The following WHR1 variants were observed in gnomAD, a reference collection of about 807,000 sequenced individuals.
WHR1 encodes the protein MHC class III HLA-RP1.
chr6:31,972,232 C>G, the WHR1 span: 1 of 1,613,030 alleles, frequency 6.2e-7, no homozygotes, highest in Non-Finnish European at 8.5e-7. The surrounding 1 kb of genome is among the most constrained non-coding windows in gnomAD (Gnocchi z 6.3). Flanking sequence ...TGCGTCGCCA[C>G]CGCCCCTCCC....
the WHR1 span, chr6:31,972,070 G>A: frequency 6.2e-7 from 1 of 1,612,884 alleles, no homozygotes; most frequent in Non-Finnish European, 8.5e-7. The surrounding 1 kb of genome is among the most constrained non-coding windows in gnomAD (Gnocchi z 6.3). Flanking sequence ...TCCCGGGGCG[G>A]GGGAGGTGTG....
chr6:31,971,696 G>C, the WHR1 span: 4 of 1,586,496 alleles, frequency 2.5e-6, no homozygotes, highest in African/African-American at 1.3e-5. This position sits in a 1 kb window ranked among gnomAD's most constrained non-coding sequence, Gnocchi z 4.5. Flanking sequence ...GACAAGCAGG[G>C]GTACAGAGTT....
chr6:31,971,844 T>C, the WHR1 span: 1 of 1,356,818 alleles, frequency 7.4e-7, no homozygotes, highest in Non-Finnish European at 9.8e-7. This position sits in a 1 kb window ranked among gnomAD's most constrained non-coding sequence, Gnocchi z 4.5. Context: ...CCTCTTTCCT[T>C]GCCCTTCACC....
At chr6:31,979,610 A>G in the WHR1 span, 5 of 1,594,882 alleles carry the variant, frequency 3.1e-6, no homozygotes, top group Admixed American at 3.4e-5. Context: ...GCCTCCCTCC[A>G]GTTCCATCCA....
At chr6:31,978,914 A>C in the WHR1 span, 4 of 1,612,650 alleles carry the variant, frequency 2.5e-6, no homozygotes, top group African/African-American at 1.3e-5. Context: ...AGGAGCTTCA[A>C]GAGCAGGGGG....
chr6:31,978,318 G>A, the WHR1 span, among the ~76,000 whole-genome samples: 1 of 151,540 alleles, frequency 6.6e-6, no homozygotes, highest in Non-Finnish European at 1.5e-5. Flanking sequence ...TAGAGATGTG[G>A]CGGGTGGGGG....
the WHR1 span, among the ~76,000 whole-genome samples, chr6:31,975,201 CT>C: frequency 0.055 from 7,471 of 136,838 alleles, 207 homozygotes; most frequent in African/African-American, 0.095. Context: ...TTAGTTTTCC[CT>C]TTTTTTTTTT....
chr6:31,979,069 CAG>C, the WHR1 span: 22 of 1,501,946 alleles, frequency 1.5e-5, no homozygotes, highest in South Asian at 1.1e-4. Context: ...ACTTGGGAAA[CAG>C]AAATAAAAAC....
the WHR1 span, among the ~76,000 whole-genome samples, chr6:31,973,890 G>A: frequency 6.6e-6 from 1 of 152,132 alleles, no homozygotes; most frequent in Non-Finnish European, 1.5e-5. Context: ...TGCCTCAAGT[G>A]CTTTTTAAGT....
At chr6:31,972,576 G>A in the WHR1 span, 1 of 1,594,742 alleles carries the variant, frequency 6.3e-7, no homozygotes, top group Non-Finnish European at 8.6e-7. This position sits in a 1 kb window ranked among gnomAD's most constrained non-coding sequence, Gnocchi z 6.3. Context: ...TTAGAACCGC[G>A]TCCCCGCCCC....
chr6:31,975,914 C>T, the WHR1 span, among the ~76,000 whole-genome samples: 1 of 148,252 alleles, frequency 6.7e-6, no homozygotes, highest in African/African-American at 2.5e-5. Flanking sequence ...GGGGGCTGAC[C>T]CCCCCACCTC....
At chr6:31,975,974 T>C in the WHR1 span, among the ~76,000 whole-genome samples, 9 of 107,150 alleles carry the variant, frequency 8.4e-5, no homozygotes, top group East Asian at 6.5e-4. Context: ...CACTTCCCAG[T>C]AGGGGCGGCC....
At chr6:31,972,234 G>A in the WHR1 span, 2 of 1,612,836 alleles carry the variant, frequency 1.2e-6, no homozygotes, top group Non-Finnish European at 1.7e-6. The surrounding 1 kb of genome is among the most constrained non-coding windows in gnomAD (Gnocchi z 6.3). Flanking sequence ...CGTCGCCACC[G>A]CCCCTCCCAG....
At chr6:31,971,572 A>G in the WHR1 span, 1 of 1,614,016 alleles carries the variant, frequency 6.2e-7, no homozygotes, top group South Asian at 1.1e-5. This position sits in a 1 kb window ranked among gnomAD's most constrained non-coding sequence, Gnocchi z 4.5. Flanking sequence ...CCCAGAGTAG[A>G]GGGCAGGGTC....
At chr6:31,979,915 A>T in the WHR1 span, 1 of 209,278 alleles carries the variant, frequency 4.8e-6, no homozygotes, top group African/African-American at 2.3e-5. Flanking sequence ...AAAAAAACCC[A>T]AAGCTAAAAA....
the WHR1 span, among the ~76,000 whole-genome samples, chr6:31,975,899 G>C: frequency 2.7e-5 from 4 of 150,626 alleles, no homozygotes; most frequent in Non-Finnish European, 5.9e-5. Flanking sequence ...GCGGCTGGCC[G>C]GGCGGGGGGC....
the WHR1 span, chr6:31,972,256 C>T: frequency 3.1e-6 from 5 of 1,613,144 alleles, no homozygotes; most frequent in Admixed American, 8.3e-5. This position sits in a 1 kb window ranked among gnomAD's most constrained non-coding sequence, Gnocchi z 6.3. Context: ...ACTGACGGGC[C>T]TGAGGGACGA....
chr6:31,979,925 A>C, the WHR1 span: 1 of 206,532 alleles, frequency 4.8e-6, no homozygotes, highest in Non-Finnish European at 9.8e-6. Context: ...AAAGCTAAAA[A>C]ACAACTGGGC....
At chr6:31,972,606 G>C in the WHR1 span, 1 of 1,601,406 alleles carries the variant, frequency 6.2e-7, no homozygotes, top group African/African-American at 1.3e-5. The surrounding 1 kb of genome is among the most constrained non-coding windows in gnomAD (Gnocchi z 6.3). Flanking sequence ...TCCGTGAGCC[G>C]ATTTATCTGC....
Sources: allele counts gnomAD v4.1 joint callset (sites outside exome capture counted in the v4.1 genomes callset), GRCh38; gene constraint gnomAD v4.1.1; non-coding constraint Gnocchi (gnomAD v3.1); transcripts MANE v1.5; gene names NCBI Gene and HGNC (gene_info 2026-07-23, HGNC 2026-07-21).